The following PTPRO variants were observed in gnomAD, a reference collection of about 807,000 sequenced individuals.
PTPRO encodes receptor-type tyrosine-protein phosphatase O.
In PTPRO, 62 loss-of-function variants were observed where a neutral mutation model predicts 145.2. The ratio of observed to expected loss-of-function variants is 0.43; its 90% confidence interval spans 0.35 to 0.53. PTPRO has a LOEUF of 0.53. Among genes scored for constraint, PTPRO ranks in the 20% least tolerant of loss-of-function variants. The pLI is 0.01. For synonymous variants in PTPRO, 565 were observed against 514.7 expected (o/e 1.10, Z -1.32); for missense variants, 1,345 against 1,482.7 (o/e 0.91, Z 1.53).
intron 1 of PTPRO, among the ~76,000 whole-genome samples, chr12:15,427,938 C>G (rs950319462): frequency 6.6e-6 from 1 of 151,950 alleles, no homozygotes; most frequent in African/African-American, 2.4e-5. Flanking sequence ...ACTTGATTTC[C>G]ATTCTTATGT....
At chr12:15,360,654 T>G (rs1565585302) in intron 1 of PTPRO, among the ~76,000 whole-genome samples, 1 of 151,636 alleles carries the variant, frequency 6.6e-6, no homozygotes, top group East Asian at 2.0e-4. Context: ...TATATACATA[T>G]AGAGATACTA....
chr12:15,513,354 G>A (rs1216408058), intron 7 of PTPRO, among the ~76,000 whole-genome samples: 3 of 151,968 alleles, frequency 2.0e-5, no homozygotes, highest in Non-Finnish European at 2.9e-5. Context: ...CTGCCTATAC[G>A]GCTTCCAGCA....
chr12:15,465,438 T>C (rs776144334), intron 1 of PTPRO, among the ~76,000 whole-genome samples: 6 of 152,220 alleles, frequency 3.9e-5, no homozygotes, highest in East Asian at 1.9e-4. Context: ...AATACCTAAC[T>C]TGGGGACAGA....
At chr12:15,454,873 T>A (rs1427618600) in intron 1 of PTPRO, among the ~76,000 whole-genome samples, 1 of 152,188 alleles carries the variant, frequency 6.6e-6, no homozygotes, top group Non-Finnish European at 1.5e-5. Flanking sequence ...GGCATCCACA[T>A]CTAGGATCAA....
chr12:15,578,902 C>T lies in PTPRO; in HGVS notation c.2879C>T (p.Pro960Leu), dbSNP rs1306793017. 1.9e-6 allele frequency: 3 copies of T among 1,607,704 alleles called. No homozygotes were observed. Among genetic ancestry groups the T allele is most frequent in the Non-Finnish European group, 2.6e-6 (3 of 1,174,314 alleles). Reference protein sequence around the residue: ...LDIPHFAADLPLNRCKNRYTN... With the variant: ...LDIPHFAADLLLNRCKNRYTN... ...ATCCCACACTTTGCTGCAGATCTTCCACTGAATCGATGTAAAAACCGTTAC... is the reference window on the plus strand; with the variant it reads ...ATCCCACACTTTGCTGCAGATCTTCTACTGAATCGATGTAAAAACCGTTAC... The change falls in exon 20 of 27, where the codon CCA (proline) becomes CTA (leucine). Residue 960 changes from proline to leucine, a missense_variant. By Grantham distance (98) the Pro-to-Leu change is moderately conservative. Coordinates refer to ENST00000281171, the MANE Select transcript of PTPRO (RefSeq NM_030667.3).
At chr12:15,336,063 A>T (rs557540315) in intron 1 of PTPRO, among the ~76,000 whole-genome samples, 22 of 152,300 alleles carry the variant, frequency 1.4e-4, no homozygotes, top group Admixed American at 3.9e-4. Context: ...CTGTAATAAC[A>T]TACAAAGAAC....
Position 15,580,100 on chromosome 12 carries a change from T to A in PTPRO, c.2982T>A (p.Asn994Lys). The stretch of plus-strand genomic sequence containing the variant: ...AAGAGGAAGGTGCAGACTACATCAA[T>A]GCCAACTATATTCCTGTAAGTAGAA... ...MNEEEGADYI[N>K]ANYIPGYNSP... Residue 994 changes from asparagine to lysine, a missense_variant, in exon 21 of 27, where the codon AAT becomes AAA. Asn to Lys is a moderately conservative substitution (Grantham distance 94). This residue lies in a region of PTPRO where 1,130 missense variants were observed against 1,214.7 expected (regional missense o/e 0.93). Coordinates refer to ENST00000281171, the MANE Select transcript of PTPRO (RefSeq NM_030667.3). 6.2e-7 allele frequency: 1 copy of A among 1,612,376 alleles called. No individual in the cohort carries two copies. Among genetic ancestry groups the A allele is most frequent in the Non-Finnish European group, 8.5e-7 (1 of 1,179,452 alleles).
At chr12:15,428,902 C>T (rs558843521) in intron 1 of PTPRO, among the ~76,000 whole-genome samples, 23 of 152,260 alleles carry the variant, frequency 1.5e-4, no homozygotes, top group African/African-American at 5.5e-4. Flanking sequence ...GCACTCCTTT[C>T]CTCTAGGAAC....
intron 1 of PTPRO, among the ~76,000 whole-genome samples, chr12:15,340,374 C>A (rs1177594724): frequency 6.6e-6 from 1 of 152,136 alleles, no homozygotes; most frequent in African/African-American, 2.4e-5. Context: ...ACACAGGTGA[C>A]TGAATCAGTC....
intron 1 of PTPRO, among the ~76,000 whole-genome samples, chr12:15,349,947 C>A (rs116212853): frequency 6.6e-6 from 1 of 152,120 alleles, no homozygotes; most frequent in African/African-American, 2.4e-5. Context: ...AAGACACTTT[C>A]TGAGTCAGGA....
intron 4 of PTPRO, among the ~76,000 whole-genome samples, chr12:15,500,366 C>T (rs1252340242): frequency 6.6e-6 from 1 of 152,100 alleles, no homozygotes; most frequent in Non-Finnish European, 1.5e-5. Context: ...CACTAATTCA[C>T]CTAATGTCAA....
chr12:15,450,033 G>C (rs928107717), intron 1 of PTPRO, among the ~76,000 whole-genome samples: 1 of 152,120 alleles, frequency 6.6e-6, no homozygotes, highest in African/African-American at 2.4e-5. Context: ...ATACAATATT[G>C]CTTTTTCAGT....
At chr12:15,368,552 C>T (rs1335931497) in intron 1 of PTPRO, among the ~76,000 whole-genome samples, 1 of 152,128 alleles carries the variant, frequency 6.6e-6, no homozygotes, top group Non-Finnish European at 1.5e-5. Flanking sequence ...GCAGTTAGAA[C>T]ATTCACAGTC....
chr12:15,474,358 C>G (rs1458463467), intron 1 of PTPRO, among the ~76,000 whole-genome samples: 1 of 152,176 alleles, frequency 6.6e-6, no homozygotes, highest in African/African-American at 2.4e-5. Context: ...CCGAAGACTG[C>G]TTCCAGAACA....
intron 1 of PTPRO, among the ~76,000 whole-genome samples, chr12:15,419,044 A>T (rs929146558): frequency 6.6e-6 from 1 of 151,668 alleles, no homozygotes; most frequent in Non-Finnish European, 1.5e-5. Flanking sequence ...ATTAAATGCT[A>T]GATCAGTCTT....
intron 19 of PTPRO, among the ~76,000 whole-genome samples, chr12:15,570,193 T>C (rs186088629): frequency 7.6e-4 from 116 of 152,322 alleles, no homozygotes; most frequent in African/African-American, 2.7e-3. Flanking sequence ...TCACTTTTTC[T>C]TTCTACATAT....
At chr12:15,484,601 T>C (rs998313547) in intron 2 of PTPRO, among the ~76,000 whole-genome samples, 2 of 152,140 alleles carry the variant, frequency 1.3e-5, no homozygotes. Context: ...TGTATTCTCA[T>C]ATTAAGCAAT....
chr12:15,521,963 C>T (rs1452291023), intron 10 of PTPRO, among the ~76,000 whole-genome samples: 1 of 152,036 alleles, frequency 6.6e-6, no homozygotes, highest in Non-Finnish European at 1.5e-5. Context: ...CTGTTGTCAC[C>T]AATGTATTGA....
chr12:15,591,736 G>A (rs1944557318), intron 25 of PTPRO, among the ~76,000 whole-genome samples: 1 of 150,892 alleles, frequency 6.6e-6, no homozygotes, highest in Non-Finnish European at 1.5e-5. Flanking sequence ...GGTGGCACAC[G>A]CCTGTAGTCC....
Sources: gnomAD v4.1 joint callset for allele counts (sites outside exome capture counted in the v4.1 genomes callset) on GRCh38, gnomAD v4.1.1 for gene constraint, gnomAD v4.1.1 regional missense constraint, MANE v1.5 for transcripts, NCBI Gene and HGNC (gene_info 2026-07-23, HGNC 2026-07-21) for gene names.